ULK4: variants seen among roughly 807,000 people sequenced by gnomAD.
The protein encoded by ULK4 is inactive serine/threonine-protein kinase ULK4.
In ULK4, 133 loss-of-function variants were observed where a neutral mutation model predicts 160.6. That is an observed-to-expected ratio of 0.83 (90% confidence interval 0.72 to 0.96). The LOEUF (loss-of-function observed/expected upper bound fraction) is 0.96, where lower values mean the gene tolerates loss of function less well. Among genes scored for constraint, ULK4 ranks in the 40% least tolerant of loss-of-function variants. The pLI is 0.00. For missense variants in ULK4, 1,580 were observed against 1,499.5 expected (o/e 1.05, Z -0.89); for synonymous variants, 534 against 539.8 (o/e 0.99, Z 0.15).
intron 30 of ULK4, among the ~76,000 whole-genome samples, chr3:41,655,298 G>T (rs886790445): frequency 6.9e-6 from 1 of 145,088 alleles, no homozygotes; most frequent in Non-Finnish European, 1.5e-5. Flanking sequence ...AACACCGCAC[G>T]TTCTCACTCA....
chr3:41,946,509 G>A (rs1011237171), intron 2 of ULK4, among the ~76,000 whole-genome samples: 86 of 152,116 alleles, frequency 5.7e-4, no homozygotes, highest in African/African-American at 2.0e-3. Context: ...TACACTACTC[G>A]GGTGTGCCTT....
At chr3:41,447,222 G>A (rs1200021415) in intron 34 of ULK4, among the ~76,000 whole-genome samples, 1 of 151,060 alleles carries the variant, frequency 6.6e-6, no homozygotes, top group African/African-American at 2.4e-5. Context: ...CCCATCTCTC[G>A]CCTATCGGTC....
At chr3:41,580,777 C>T (rs921733318) in intron 31 of ULK4, among the ~76,000 whole-genome samples, 1 of 152,160 alleles carries the variant, frequency 6.6e-6, no homozygotes, top group African/African-American at 2.4e-5. Flanking sequence ...TCCAGATGCA[C>T]ACAAGGATGC....
intron 18 of ULK4, among the ~76,000 whole-genome samples, chr3:41,823,130 G>C (rs555622392): frequency 6.6e-6 from 1 of 152,148 alleles, no homozygotes; most frequent in East Asian, 1.9e-4. Flanking sequence ...TAGACAGGCT[G>C]GCTCCATCTC....
intron 31 of ULK4, among the ~76,000 whole-genome samples, chr3:41,566,560 CTGATT>C (rs1162390596): frequency 6.6e-6 from 1 of 152,188 alleles, no homozygotes. Flanking sequence ...TACATTTGAT[CTGATT>C]TATTACTGCT....
At chr3:41,376,575 C>A (rs562119683) in intron 35 of ULK4, among the ~76,000 whole-genome samples, 2 of 149,550 alleles carry the variant, frequency 1.3e-5, no homozygotes, top group Non-Finnish European at 2.9e-5. Context: ...TCTTATACAC[C>A]AATAACAGAC....
chr3:41,770,078 T>A (rs980563037), intron 21 of ULK4, among the ~76,000 whole-genome samples: 2 of 152,218 alleles, frequency 1.3e-5, no homozygotes, highest in African/African-American at 4.8e-5. Flanking sequence ...AAAATGTCTT[T>A]CAGAGAACAC....
chr3:41,631,211 G>A (rs1425913928), intron 30 of ULK4, among the ~76,000 whole-genome samples: 4 of 152,114 alleles, frequency 2.6e-5, no homozygotes, highest in Non-Finnish European at 5.9e-5. Flanking sequence ...CATATATAGG[G>A]AGTTATTTTT....
At chr3:41,722,941 A>G (rs1336755959) in intron 22 of ULK4, among the ~76,000 whole-genome samples, 2 of 152,110 alleles carry the variant, frequency 1.3e-5, no homozygotes, top group African/African-American at 4.8e-5. Context: ...GGGTACATGT[A>G]TAGGAATGGA....
chr3:41,448,840 T>C lies in ULK4; in HGVS notation c.3492+6657A>G, dbSNP rs186456241. 4.0e-4 allele frequency among the ~76,000 whole-genome samples: 61 copies of C among 152,292 alleles called. No homozygotes were observed. The East Asian group carries it at 5.8e-3, about 14-fold the overall frequency. ...CTTGGGCAATTGAGTGGAAGTTAGTTTCATTCACTGACAGACAAAGCACAA... is the reference window on the plus strand; with the variant it reads ...CTTGGGCAATTGAGTGGAAGTTAGTCTCATTCACTGACAGACAAAGCACAA... On this transcript the variant is annotated intron_variant, in intron 34 of 36. Transcript: ENST00000301831.
chr3:41,552,525 T>A (rs1175294822), intron 32 of ULK4, among the ~76,000 whole-genome samples: 1 of 151,708 alleles, frequency 6.6e-6, no homozygotes, highest in Non-Finnish European at 1.5e-5. Context: ...AAAAACTACC[T>A]AGGAATAAAT....
At chr3:41,960,341 T>G (rs1002671574) in intron 1 of ULK4, among the ~76,000 whole-genome samples, 2 of 151,930 alleles carry the variant, frequency 1.3e-5, no homozygotes, top group South Asian at 4.1e-4. Context: ...TTCCTTAGAG[T>G]AAAATAAGAA....
At chr3:41,619,168 A>G (rs1435888379) in intron 30 of ULK4, among the ~76,000 whole-genome samples, 2 of 152,112 alleles carry the variant, frequency 1.3e-5, no homozygotes, top group Non-Finnish European at 2.9e-5. Flanking sequence ...CAGACTCCCA[A>G]TAATAATAGT....
chr3:41,670,646 TAAGTAA>T, intron 29 of ULK4, among the ~76,000 whole-genome samples: 1 of 152,200 alleles, frequency 6.6e-6, no homozygotes. Flanking sequence ...CACACTTTTT[TAAGTAA>T]AAGAAATGTA....
intron 17 of ULK4, among the ~76,000 whole-genome samples, chr3:41,841,675 G>A (rs907231215): frequency 1.3e-5 from 2 of 152,138 alleles, no homozygotes; most frequent in Non-Finnish European, 2.9e-5. Flanking sequence ...CCATGATGAC[G>A]ATGGCGGTTT....
chr3:41,957,115 A>G (rs902691776), intron 1 of ULK4, among the ~76,000 whole-genome samples: 1 of 152,248 alleles, frequency 6.6e-6, no homozygotes, highest in African/African-American at 2.4e-5. Context: ...AAGTGGAATT[A>G]GTCATAAACA....
At chr3:41,787,795 C>T (rs1031364756) in intron 21 of ULK4, among the ~76,000 whole-genome samples, 3 of 152,126 alleles carry the variant, frequency 2.0e-5, no homozygotes, top group South Asian at 2.1e-4. Context: ...CTGTTTATCA[C>T]GCCATACAAT....
intron 32 of ULK4, among the ~76,000 whole-genome samples, chr3:41,513,859 A>G (rs1443476005): frequency 6.6e-6 from 1 of 152,198 alleles, no homozygotes; most frequent in Non-Finnish European, 1.5e-5. Flanking sequence ...CACCGGGTAC[A>G]GTGCACACTG....
chr3:41,469,602 CAAAAAAAAAAA>C (rs71616008), intron 32 of ULK4, among the ~76,000 whole-genome samples: 3 of 11,316 alleles, frequency 2.7e-4, no homozygotes, highest in Admixed American at 1.3e-3. Context: ...CTACACCTGC[CAAAAAAAAAAA>C]AAAAAAAAAA....
Sources: gnomAD v4.1 joint callset for allele counts (sites outside exome capture counted in the v4.1 genomes callset) on GRCh38, gnomAD v4.1.1 for gene constraint, MANE v1.5 for transcripts, NCBI Gene and HGNC (gene_info 2026-07-23, HGNC 2026-07-21) for gene names.